The following PABPC4L variants were observed in gnomAD, a reference collection of about 807,000 sequenced individuals.
PABPC4L encodes polyadenylate-binding protein 4-like.
For synonymous variants in PABPC4L, 169 were observed against 164.1 expected (o/e 1.03, Z -0.23); for missense variants, 452 against 451.4 (o/e 1.00, Z -0.01).
the PABPC4L span, among the ~76,000 whole-genome samples, chr4:134,155,209 T>C: frequency 2.1e-4 from 32 of 152,210 alleles, no homozygotes; most frequent in African/African-American, 7.5e-4. Context: ...CTGAAAGCTA[T>C]GTAAAATTTA....
At chr4:134,099,793 T>C in the PABPC4L span, among the ~76,000 whole-genome samples, 1 of 151,710 alleles carries the variant, frequency 6.6e-6, no homozygotes, top group Non-Finnish European at 1.5e-5. Flanking sequence ...AGATAATGGA[T>C]TGACCCTCCA....
Position 134,199,756 on chromosome 4 carries a change from G to A in PABPC4L, c.*151C>T. On this transcript the variant is annotated 3_prime_UTR_variant, in exon 2 of 2. Coordinates refer to ENST00000421491, the MANE Select transcript of PABPC4L (RefSeq NM_001114734.2). ...TATTTTTCCACAAAAGAAAAAAAAT[G>A]GCTTTGTATAAAAAACGTTTTATCA... 1.0e-6 allele frequency: 1 copy of A among 959,220 alleles called. No individual in the cohort carries two copies. The allele number at this position is 959,220 out of a possible 1,614,324, so 59.4% of individuals were successfully genotyped here. A position where few individuals can be genotyped will look rare whatever the true frequency, so the allele number is the denominator to read the frequency against.
chr4:134,011,090 T>G, the PABPC4L span, among the ~76,000 whole-genome samples: 1 of 152,200 alleles, frequency 6.6e-6, no homozygotes, highest in Non-Finnish European at 1.5e-5. Flanking sequence ...ACTTTAAATT[T>G]TAATGAGTGT....
At chr4:134,109,873 C>A in the PABPC4L span, among the ~76,000 whole-genome samples, 984 of 151,948 alleles carry the variant, frequency 6.5e-3, 10 homozygotes, top group African/African-American at 0.022. Context: ...TCCCAAGTAG[C>A]TGGGACTGCA....
chr4:134,165,628 A>G, the PABPC4L span, among the ~76,000 whole-genome samples: 4 of 152,320 alleles, frequency 2.6e-5, no homozygotes, highest in South Asian at 4.1e-4. Context: ...TGAGAAGTCA[A>G]AAAACAATAG....
chr4:133,976,669 G>T, the PABPC4L span, among the ~76,000 whole-genome samples: 6 of 152,068 alleles, frequency 3.9e-5, no homozygotes, highest in African/African-American at 4.8e-5. Flanking sequence ...GGCATGAGAT[G>T]GTATCTCATT....
At chr4:134,040,957 AC>A in the PABPC4L span, among the ~76,000 whole-genome samples, 1 of 152,328 alleles carries the variant, frequency 6.6e-6, no homozygotes, top group African/African-American at 2.4e-5. Flanking sequence ...TATGTAGCCA[AC>A]AAACATATGA....
the PABPC4L span, among the ~76,000 whole-genome samples, chr4:134,068,238 G>A: frequency 6.6e-6 from 1 of 152,000 alleles, no homozygotes; most frequent in Admixed American, 6.6e-5. Flanking sequence ...AACATAGTTA[G>A]GTCTTTTTGT....
At chr4:134,066,387 G>T in the PABPC4L span, among the ~76,000 whole-genome samples, 1 of 152,028 alleles carries the variant, frequency 6.6e-6, no homozygotes, top group African/African-American at 2.4e-5. Flanking sequence ...TTTTTAGATT[G>T]ATTTTGCATC....
At position 134,200,699 on chromosome 4, in the gene PABPC4L, T is replaced by G; in HGVS notation, c.321A>C (p.Lys107Asn). 2 of 1,551,634 alleles carry G rather than the reference T, an allele frequency of 1.3e-6. No homozygotes were observed. Among genetic ancestry groups the G allele is most frequent in the Non-Finnish European group, 1.7e-6 (2 of 1,146,960 alleles). Residue 107 changes from lysine (K) to asparagine (N), a missense_variant, in exon 2 of 2, where the codon AAA becomes AAC. Physicochemically the swap from Lys to Asn is moderately conservative, Grantham distance 94. Transcript: ENST00000421491. ...IGNVFIKNLDKSIDNKTLYEH... is the reference protein window; with the variant it reads ...IGNVFIKNLDNSIDNKTLYEH... ...CATAAAGGGTTTTGTTATCGATAGA[T>G]TTGTCCAGATTCTTGATGAATACGT...
the PABPC4L span, among the ~76,000 whole-genome samples, chr4:134,045,241 C>T: frequency 2.6e-5 from 4 of 152,100 alleles, no homozygotes; most frequent in Admixed American, 2.6e-4. Context: ...TAGTGAAGAT[C>T]TATTATACCC....
At chr4:134,048,578 C>T in the PABPC4L span, among the ~76,000 whole-genome samples, 7 of 152,054 alleles carry the variant, frequency 4.6e-5, no homozygotes, top group African/African-American at 1.7e-4. Context: ...GTCAATTATA[C>T]AACACTGCTG....
the PABPC4L span, among the ~76,000 whole-genome samples, chr4:134,081,188 A>G: frequency 6.6e-6 from 1 of 152,084 alleles, no homozygotes; most frequent in East Asian, 1.9e-4. Context: ...CTTCATTAAA[A>G]CTCAATCAAC....
At chr4:134,021,013 C>T in the PABPC4L span, among the ~76,000 whole-genome samples, 1 of 152,036 alleles carries the variant, frequency 6.6e-6, no homozygotes, top group Non-Finnish European at 1.5e-5. Flanking sequence ...GCTTGTTCTT[C>T]TAAGTTGAAC....
At chr4:134,001,317 C>T in the PABPC4L span, among the ~76,000 whole-genome samples, 6 of 151,628 alleles carry the variant, frequency 4.0e-5, no homozygotes, top group African/African-American at 1.5e-4. Flanking sequence ...GTGAACTGGA[C>T]CCATGGTAGC....
the PABPC4L span, among the ~76,000 whole-genome samples, chr4:133,999,489 A>G: frequency 6.6e-6 from 1 of 152,118 alleles, no homozygotes; most frequent in African/African-American, 2.4e-5. Flanking sequence ...TATCAATGAC[A>G]CAAAATATAT....
At chr4:134,034,759 G>A in the PABPC4L span, among the ~76,000 whole-genome samples, 4 of 151,938 alleles carry the variant, frequency 2.6e-5, no homozygotes, top group Admixed American at 2.0e-4. Flanking sequence ...GACAGGGGGA[G>A]CTTCTTATGA....
chr4:134,129,746 G>A, the PABPC4L span, among the ~76,000 whole-genome samples: 1 of 151,894 alleles, frequency 6.6e-6, no homozygotes, highest in Non-Finnish European at 1.5e-5. Context: ...GGTGCTAAGA[G>A]GAAAGTTCAT....
At chr4:134,201,294 C>A in intron 1 of PABPC4L, 49 bp from the exon 2 acceptor site, 1 of 1,404,230 alleles carries the variant, frequency 7.1e-7, no homozygotes, top group Admixed American at 2.5e-5. Flanking sequence ...TCCTTCCCCT[C>A]AGATTTGTGA....
Sources: allele counts gnomAD v4.1 joint callset (sites outside exome capture counted in the v4.1 genomes callset), GRCh38; gene constraint gnomAD v4.1.1; transcripts MANE v1.5; gene names NCBI Gene and HGNC (gene_info 2026-07-23, HGNC 2026-07-21).